Variants in ZBTB7C observed in about 807,000 individuals in gnomAD.
The protein encoded by ZBTB7C is zinc finger and BTB domain containing 7C.
In ZBTB7C, 8 loss-of-function variants were observed where a neutral mutation model predicts 25.7. The observed-to-expected ratio is 0.31, with a 90% confidence interval of 0.18 to 0.56. The LOEUF is 0.56. ZBTB7C is among the 20% of genes least tolerant of loss of function. The probability of loss-of-function intolerance (pLI) is 0.91; values close to 1 mark genes in which losing one functional copy is unlikely to be tolerated. For missense variants in ZBTB7C, 824 were observed against 855.2 expected, an observed-to-expected ratio of 0.96 and a Z score of 0.46; for synonymous variants, 394 against 369.0, an observed-to-expected ratio of 1.07 and a Z score of -0.78.
At chr18:48,281,531 A>G (rs2044850027) in intron 2 of ZBTB7C, among the ~76,000 whole-genome samples, 1 of 152,138 alleles carries the variant, frequency 6.6e-6, no homozygotes, top group African/African-American at 2.4e-5. Flanking sequence ...GCAACCTACA[A>G]AATGGGAGAA....
intron 1 of ZBTB7C, among the ~76,000 whole-genome samples, chr18:48,355,560 G>C (rs1025458345): frequency 6.6e-6 from 1 of 152,152 alleles, no homozygotes; most frequent in Non-Finnish European, 1.5e-5. Context: ...CTGCAGACCT[G>C]CTCGGGGCTT....
At position 48,117,753 on chromosome 18, in the gene ZBTB7C, C is replaced by G. The variant is rs112993964; in HGVS notation, c.-17+68181G>C. Among the ~76,000 whole-genome samples, 1,461 of 152,232 alleles carry G rather than the reference C, an allele frequency of 9.6e-3. 24 individuals carry two copies. Among genetic ancestry groups the G allele is most frequent in the African/African-American group, 0.034 (1,420 of 41,522 alleles). On this transcript the variant is annotated intron_variant, in intron 3 of 4. Coordinates refer to ENST00000590800, the MANE Select transcript of ZBTB7C (RefSeq NM_001318841.2). Reference sequence around the variant, plus strand: ...AGCCTTTATGGTGTCTAATGAGCTACTCAAGCAGAACGAATCTTTAGTAAA... The same window carrying G: ...AGCCTTTATGGTGTCTAATGAGCTAGTCAAGCAGAACGAATCTTTAGTAAA...
At chr18:48,181,158 A>G (rs2041910434) in intron 3 of ZBTB7C, among the ~76,000 whole-genome samples, 1 of 152,178 alleles carries the variant, frequency 6.6e-6, no homozygotes, top group Non-Finnish European at 1.5e-5. Flanking sequence ...TCACCCCTTT[A>G]TCTTCATAGA....
At chr18:48,125,042 G>T (rs1417874757) in intron 3 of ZBTB7C, among the ~76,000 whole-genome samples, 7 of 152,204 alleles carry the variant, frequency 4.6e-5, no homozygotes, top group Non-Finnish European at 4.4e-5. Context: ...CAGGGGAGGG[G>T]CAGAGGTTTG....
intron 2 of ZBTB7C, among the ~76,000 whole-genome samples, chr18:48,274,937 C>T (rs1030703127): frequency 2.8e-4 from 42 of 152,210 alleles, no homozygotes; most frequent in Non-Finnish European, 1.8e-4. Context: ...CCTCCCGCTA[C>T]AACACACACC....
At chr18:48,031,776 T>C (rs2035760943) in intron 4 of ZBTB7C, among the ~76,000 whole-genome samples, 1 of 152,196 alleles carries the variant, frequency 6.6e-6, no homozygotes, top group Non-Finnish European at 1.5e-5. Flanking sequence ...ACTATGTAGG[T>C]GGGCAAACAG....
At chr18:48,041,757 C>CACTA (rs771225625) in intron 3 of ZBTB7C, among the ~76,000 whole-genome samples, 5 of 150,584 alleles carry the variant, frequency 3.3e-5, no homozygotes, top group Non-Finnish European at 5.9e-5. Flanking sequence ...AAAAAAAAAA[C>CACTA]ACTAACTTCC....
At chr18:48,348,242 A>G (rs190354000) in intron 1 of ZBTB7C, among the ~76,000 whole-genome samples, 1 of 152,328 alleles carries the variant, frequency 6.6e-6, no homozygotes. Context: ...GCAAGTTCAG[A>G]TTTAGAATTC....
At chr18:48,170,167 C>A (rs2041420169) in intron 3 of ZBTB7C, among the ~76,000 whole-genome samples, 1 of 152,266 alleles carries the variant, frequency 6.6e-6, no homozygotes, top group African/African-American at 2.4e-5. Context: ...AGCTGCTTAA[C>A]TGCCTTCCAC....
intron 1 of ZBTB7C, among the ~76,000 whole-genome samples, chr18:48,344,760 T>C (rs745882593): frequency 1.3e-5 from 2 of 152,252 alleles, no homozygotes; most frequent in African/African-American, 4.8e-5. Context: ...ACCAATTATA[T>C]GGATACTATG....
In ZBTB7C at chr18:48,324,658, GAGA is replaced by G. The variant is rs149436478; in HGVS notation, c.-79+13513_-79+13515del. ...AGGTGAGCAGAACCTTGTAGGCCCT[GAGA>G]AGAATATCTTACCTTTATCCTAAAA... On this transcript the variant is annotated intron_variant, in intron 2 of 4. Coordinates refer to ENST00000590800, the MANE Select transcript of ZBTB7C (RefSeq NM_001318841.2). 2.6e-5 allele frequency among the ~76,000 whole-genome samples: 4 copies of G among 152,316 alleles called. No individual in the cohort carries two copies. The East Asian group carries it at 7.7e-4, about 29-fold the overall frequency.
chr18:48,168,767 G>A (rs2041358585), intron 3 of ZBTB7C, among the ~76,000 whole-genome samples: 1 of 152,216 alleles, frequency 6.6e-6, no homozygotes, highest in South Asian at 2.1e-4. Context: ...TATTTTCGTG[G>A]AAGTTGCGTA....
chr18:48,293,733 G>C (rs776327653), intron 2 of ZBTB7C, among the ~76,000 whole-genome samples: 1 of 152,104 alleles, frequency 6.6e-6, no homozygotes, highest in Non-Finnish European at 1.5e-5. Context: ...TTAAACTCTA[G>C]TAGTCTCAGT....
intron 3 of ZBTB7C, among the ~76,000 whole-genome samples, chr18:48,171,619 C>T (rs117194268): frequency 6.6e-6 from 1 of 152,366 alleles, no homozygotes; most frequent in Non-Finnish European, 1.5e-5. Flanking sequence ...AGACAGAGGG[C>T]TCTCAGCAGA....
chr18:48,039,102 G>C (rs1192984337), intron 4 of ZBTB7C, among the ~76,000 whole-genome samples: 1 of 152,232 alleles, frequency 6.6e-6, no homozygotes, highest in South Asian at 2.1e-4. Flanking sequence ...GAATGGGACA[G>C]AGTCTATGAA....
chr18:48,135,494 A>C (rs1359222321), intron 3 of ZBTB7C, among the ~76,000 whole-genome samples: 1 of 152,160 alleles, frequency 6.6e-6, no homozygotes, highest in Non-Finnish European at 1.5e-5. Context: ...AGTGGGGCTA[A>C]TGATTCATAT....
intron 1 of ZBTB7C, chr18:48,408,368 G>C (rs752923758): frequency 6.6e-6 from 1 of 152,248 alleles, no homozygotes. Context: ...CTTGAGAGAA[G>C]ACGCACGCAG....
chr18:48,258,508 T>C (rs1298043152), intron 2 of ZBTB7C, among the ~76,000 whole-genome samples: 1 of 152,164 alleles, frequency 6.6e-6, no homozygotes, highest in Non-Finnish European at 1.5e-5. Flanking sequence ...AATACAACAA[T>C]AGATGTGCAA....
At chr18:48,274,837 T>G (rs2044597413) in intron 2 of ZBTB7C, among the ~76,000 whole-genome samples, 1 of 152,212 alleles carries the variant, frequency 6.6e-6, no homozygotes, top group Non-Finnish European at 1.5e-5. Context: ...GCCCTGGCTC[T>G]CATGTCGGGG....
Sources: allele counts gnomAD v4.1 joint callset (sites outside exome capture counted in the v4.1 genomes callset), GRCh38; gene constraint gnomAD v4.1.1; transcripts MANE v1.5; gene names NCBI Gene and HGNC (gene_info 2026-07-23, HGNC 2026-07-21).